The following POU3F3 variants were observed in gnomAD, a reference collection of about 807,000 sequenced individuals.
POU3F3 encodes the protein POU domain, class 3, transcription factor 3.
A neutral mutation model predicts 8.6 loss-of-function variants in POU3F3; 1 was observed. The observed-to-expected ratio is 0.12, with a 90% CI of 0.04 to 0.55. The LOEUF (loss-of-function observed/expected upper bound fraction) is 0.55. POU3F3 is among the 20% of genes least tolerant of loss of function. The pLI is 0.91. For missense variants in POU3F3, 577 were observed against 690.7 expected, an observed-to-expected ratio of 0.84 and a Z score of 1.84; for synonymous variants, 418 against 327.4, an observed-to-expected ratio of 1.28 and a Z score of -2.99.
the POU3F3 span, among the ~76,000 whole-genome samples, chr2:104,919,684 C>T: frequency 1.3e-5 from 2 of 152,136 alleles, no homozygotes; most frequent in Admixed American, 6.5e-5. Context: ...AAACAATAGG[C>T]TTCAGAAAGG....
the POU3F3 span, among the ~76,000 whole-genome samples, chr2:104,876,515 A>G: frequency 0.36 from 54,251 of 152,024 alleles, 10,100 homozygotes; most frequent in East Asian, 0.63. Flanking sequence ...CTTACTTAGG[A>G]TTTATGTGTA....
the POU3F3 span, among the ~76,000 whole-genome samples, chr2:104,909,030 G>A: frequency 6.6e-6 from 1 of 151,830 alleles, no homozygotes; most frequent in Non-Finnish European, 1.5e-5. Context: ...CAAAATACCA[G>A]GTTTCACACG....
chr2:104,888,076 G>T, the POU3F3 span, among the ~76,000 whole-genome samples: 1 of 152,200 alleles, frequency 6.6e-6, no homozygotes, highest in African/African-American at 2.4e-5. Flanking sequence ...TATCTTTCAA[G>T]AGTGCATCCA....
the POU3F3 span, among the ~76,000 whole-genome samples, chr2:104,895,283 T>A: frequency 6.6e-6 from 1 of 152,198 alleles, no homozygotes; most frequent in Non-Finnish European, 1.5e-5. Flanking sequence ...CACTACCAAT[T>A]GCCCACATAT....
the POU3F3 span, among the ~76,000 whole-genome samples, chr2:104,877,935 C>A: frequency 6.6e-6 from 1 of 152,192 alleles, no homozygotes; most frequent in Non-Finnish European, 1.5e-5. Context: ...GGATTACAGG[C>A]GTGAGCCACC....
the POU3F3 span, among the ~76,000 whole-genome samples, chr2:104,875,288 C>T: frequency 1.0e-3 from 158 of 152,352 alleles, 5 homozygotes; most frequent in East Asian, 0.029. Flanking sequence ...AATGATGCTG[C>T]TGTGAATATG....
At chr2:104,920,213 C>A in the POU3F3 span, among the ~76,000 whole-genome samples, 1 of 152,186 alleles carries the variant, frequency 6.6e-6, no homozygotes, top group African/African-American at 2.4e-5. Context: ...TGGGGTCTCA[C>A]CATGTTGGCC....
the POU3F3 span, among the ~76,000 whole-genome samples, chr2:104,879,935 C>T: frequency 6.6e-6 from 1 of 152,176 alleles, no homozygotes; most frequent in Non-Finnish European, 1.5e-5. Flanking sequence ...AATCACAGAT[C>T]TACTATACGA....
chr2:104,875,542 G>A, the POU3F3 span, among the ~76,000 whole-genome samples: 1 of 151,902 alleles, frequency 6.6e-6, no homozygotes, highest in Non-Finnish European at 1.5e-5. Flanking sequence ...CATCCCAGTT[G>A]GTGTGAAGTG....
chr2:104,899,247 C>T, the POU3F3 span, among the ~76,000 whole-genome samples: 6 of 152,218 alleles, frequency 3.9e-5, no homozygotes, highest in African/African-American at 1.2e-4. Context: ...TTGTGTGTTT[C>T]CACACCCACA....
chr2:104,895,366 A>C, the POU3F3 span, among the ~76,000 whole-genome samples: 2 of 152,172 alleles, frequency 1.3e-5, no homozygotes, highest in Non-Finnish European at 2.9e-5. Context: ...GGATGCTGTA[A>C]TTTACAGGAC....
chr2:104,927,517 G>C, the POU3F3 span, among the ~76,000 whole-genome samples: 2 of 152,038 alleles, frequency 1.3e-5, no homozygotes, highest in Admixed American at 6.6e-5. Context: ...CACTTTGAGA[G>C]GTCAAGGCAT....
At chr2:104,905,454 A>G in the POU3F3 span, among the ~76,000 whole-genome samples, 1 of 152,206 alleles carries the variant, frequency 6.6e-6, no homozygotes, top group Admixed American at 6.5e-5. Flanking sequence ...ATGTAACTGA[A>G]GAAGAGTTTT....
At chr2:104,873,960 C>T in the POU3F3 span, among the ~76,000 whole-genome samples, 1 of 152,312 alleles carries the variant, frequency 6.6e-6, no homozygotes, top group South Asian at 2.1e-4. Flanking sequence ...TGCAAGCTCT[C>T]GCTGGTTTTC....
chr2:104,853,763 C>A (rs1254871691), upstream of POU3F3: 1 of 152,144 alleles, frequency 6.6e-6, no homozygotes, highest in African/African-American at 2.4e-5. Flanking sequence ...CCTTTCTTCC[C>A]CCCGCCCAGA....
the POU3F3 span, among the ~76,000 whole-genome samples, chr2:104,908,063 C>T: frequency 2.6e-5 from 4 of 152,170 alleles, no homozygotes; most frequent in Non-Finnish European, 2.9e-5. Context: ...AGTACTTGTT[C>T]AGGTTAACAA....
the POU3F3 span, among the ~76,000 whole-genome samples, chr2:104,893,286 C>T: frequency 2.6e-5 from 4 of 152,158 alleles, no homozygotes; most frequent in East Asian, 1.9e-4. Flanking sequence ...ATGGATCCCT[C>T]GTCATTGGAC....
At chr2:104,893,745 T>A in the POU3F3 span, among the ~76,000 whole-genome samples, 1 of 151,948 alleles carries the variant, frequency 6.6e-6, no homozygotes, top group South Asian at 2.1e-4. Context: ...GAGCCGGGCA[T>A]GGTGGCAGGT....
chr2:104,886,168 G>A, the POU3F3 span, among the ~76,000 whole-genome samples: 5 of 152,006 alleles, frequency 3.3e-5, no homozygotes, highest in African/African-American at 9.7e-5. Flanking sequence ...TTTCTTGCAC[G>A]ATGTCCAAGA....
Sources: allele counts gnomAD v4.1 joint callset (sites outside exome capture counted in the v4.1 genomes callset), GRCh38; gene constraint gnomAD v4.1.1; transcripts MANE v1.5; gene names NCBI Gene and HGNC (gene_info 2026-07-23, HGNC 2026-07-21).